The following BTBD17 variants were observed in gnomAD, a reference collection of about 807,000 sequenced individuals.
BTBD17 encodes BTB domain containing 17, also known as BTB/POZ domain-containing protein 17.
Under a neutral mutation model 36.9 loss-of-function variants are expected in BTBD17, and 26 were observed. The observed-to-expected ratio is 0.70, with a 90% confidence interval of 0.52 to 0.98. The LOEUF is 0.98. Ranked by LOEUF, BTBD17 falls within the 50% of genes least tolerant of loss-of-function variation. The pLI is 0.00. For synonymous variants in BTBD17, 341 were observed against 338.0 expected (o/e 1.01, Z -0.10); for missense variants, 630 against 691.3 (o/e 0.91, Z 0.99).
Position 74,357,643 on chromosome 17 carries a change from G to C in BTBD17, c.451C>G (p.Gln151Glu). ...LATKYGVSSL[Q>E]RGVADYMRAH... is the part of the protein sequence containing the mutation. ...CGCATGTAGTCGGCCACGCCGCGCT[G>C]CAGGGAGGACACGCCGTACTTGGTG... Residue 151 changes from glutamine (Q) to glutamate (E), a missense_variant, in exon 3 of 3, where the codon CAG (glutamine) becomes GAG (glutamate). Transcript: ENST00000375366. This position sits in a 1 kb window ranked among gnomAD's most constrained non-coding sequence, Gnocchi z 8.4. The C allele has an allele frequency of 6.5e-7, 1 of 1,550,118 alleles. No individual in the cohort carries two copies. Among genetic ancestry groups the C allele is most frequent in the Non-Finnish European group, 8.7e-7 (1 of 1,149,200 alleles).
Position 74,357,759 on chromosome 17 carries a change from G to C in BTBD17, c.363-28C>G. The stretch of plus-strand genomic sequence containing the variant: ...GCGGGAGAGACCGAGAGGTGGGGCG[G>C]GGTCAGGGCGGTACCCACCTCCCAG... On this transcript the variant is annotated intron_variant, in intron 2 of 2. Coordinates refer to ENST00000375366, the MANE Select transcript of BTBD17 (RefSeq NM_001080466.2). This position sits in a 1 kb window ranked among gnomAD's most constrained non-coding sequence, Gnocchi z 8.4. 1 of 1,504,356 alleles carries C rather than the reference G, an allele frequency of 6.6e-7. No individual in the cohort carries two copies. The highest frequency in any genetic ancestry group is 8.9e-7 in the Non-Finnish European group (1 of 1,124,426). The allele number at this position is 1,504,356 out of a possible 1,614,324, so 93.2% of individuals were successfully genotyped here. A position where few individuals can be genotyped will look rare whatever the true frequency, so the allele number is the denominator to read the frequency against.
chr17:74,359,973 T>A lies in BTBD17; in HGVS notation c.358A>T (p.Ile120Phe). The change falls in exon 2 of 3, where the codon ATC becomes TTC. Residue 120 changes from isoleucine (I) to phenylalanine (F), a missense_variant. By Grantham distance (21) the Ile-to-Phe change is conservative (BLOSUM62 0). Transcript: ENST00000375366. ...QDCAAVFDKF[I>F]RYLYCGELTV... Reference sequence around the variant, plus strand: ...CCTAGTCTTCCGCGTCCCCACCTGATGAACTTGTCGAAGACAGCGGCGCAG... The same window carrying A: ...CCTAGTCTTCCGCGTCCCCACCTGAAGAACTTGTCGAAGACAGCGGCGCAG... 1 of 1,606,970 alleles carries A rather than the reference T, an allele frequency of 6.2e-7. No individual in the cohort carries two copies. Among genetic ancestry groups the A allele is most frequent in the South Asian group, 1.1e-5 (1 of 90,966 alleles).
At chr17:74,360,483 T>C (rs1199783993) in intron 1 of BTBD17, among the ~76,000 whole-genome samples, 5 of 152,176 alleles carry the variant, frequency 3.3e-5, no homozygotes, top group Non-Finnish European at 2.9e-5. Context: ...AAGAGGATGC[T>C]CTTGGAAGGG....
chr17:74,359,656 T>C (rs2054923164), intron 2 of BTBD17, among the ~76,000 whole-genome samples: 1 of 152,206 alleles, frequency 6.6e-6, no homozygotes, highest in African/African-American at 2.4e-5. Context: ...CCCAAATTGC[T>C]GGGATTACAG....
At chr17:74,359,240 T>A (rs888054306) in intron 2 of BTBD17, among the ~76,000 whole-genome samples, 1 of 152,200 alleles carries the variant, frequency 6.6e-6, no homozygotes, top group Admixed American at 6.5e-5. Flanking sequence ...TATAATGGAA[T>A]ATTTAGGAAA....
Position 74,356,556 on chromosome 17 carries a change from C to T in BTBD17, c.*101G>A. On this transcript the variant is annotated 3_prime_UTR_variant, in exon 3 of 3. Coordinates refer to ENST00000375366, the MANE Select transcript of BTBD17 (RefSeq NM_001080466.2). This position sits in a 1 kb window ranked among gnomAD's most constrained non-coding sequence, Gnocchi z 4.3. ...CAGCCCTAGGGTGGCCGGCGCCTGG[C>T]CATCCAGGGGACCAGGCTTGTTGCC... 1 of 1,350,480 alleles carries T rather than the reference C, an allele frequency of 7.4e-7. No homozygotes were observed. Among genetic ancestry groups the T allele is most frequent in the South Asian group, 2.2e-5 (1 of 46,264 alleles). 83.7% of individuals were successfully genotyped at this position (1,350,480 alleles called of 1,614,324 possible).
Position 74,357,634 on chromosome 17 carries a change from C to T in BTBD17, c.460G>A (p.Val154Met), listed in dbSNP as rs1405170311. ...KYGVSSLQRGVADYMRAHLAG... is the reference protein window; with the variant it reads ...KYGVSSLQRGMADYMRAHLAG... ...AGGTGCGCGCGCATGTAGTCGGCCA[C>T]GCCGCGCTGCAGGGAGGACACGCCG... The change falls in exon 3 of 3, where the codon GTG becomes ATG. Residue 154 changes from valine (V) to methionine (M), a missense_variant. Val to Met is a conservative substitution (Grantham distance 21). Coordinates refer to ENST00000375366, the MANE Select transcript of BTBD17 (RefSeq NM_001080466.2). This position sits in a 1 kb window ranked among gnomAD's most constrained non-coding sequence, Gnocchi z 8.4. The T allele has an allele frequency of 6.5e-7, 1 of 1,549,180 alleles. No individual in the cohort carries two copies. Among genetic ancestry groups the T allele is most frequent in the Non-Finnish European group, 8.7e-7 (1 of 1,149,232 alleles).
rs781596717 is a variant in BTBD17, at chr17:74,356,661, T to C, written c.1433A>G (p.Lys478Arg). Residue 478 changes from lysine (K) to arginine (R), a missense_variant, in exon 3 of 3, where the codon AAG becomes AGG. Lys to Arg is a conservative substitution (Grantham distance 26, BLOSUM62 2). Coordinates refer to ENST00000375366, the MANE Select transcript of BTBD17 (RefSeq NM_001080466.2). The surrounding 1 kb of genome is among the most constrained non-coding windows in gnomAD (Gnocchi z 4.3). ...PVYHTLIRTP[K>R] Reference sequence around the variant, plus strand: ...CTTTATTCCCAGACCCCGAGGCTACTTGGGGGTCCGGATAAGGGTGTGGTA... The same window carrying C: ...CTTTATTCCCAGACCCCGAGGCTACCTGGGGGTCCGGATAAGGGTGTGGTA... 2.0e-5 allele frequency: 31 copies of C among 1,526,190 alleles called. No individual in the cohort carries two copies. Among genetic ancestry groups the C allele is most frequent in the Non-Finnish European group, 2.4e-5 (27 of 1,130,314 alleles). 94.5% of individuals were successfully genotyped at this position (1,526,190 alleles called of 1,614,324 possible).
At chr17:74,363,250 G>A (rs554322473), upstream of BTBD17, among the ~76,000 whole-genome samples, 16 of 152,258 alleles carry the variant, frequency 1.1e-4, no homozygotes, top group South Asian at 2.1e-4. Flanking sequence ...CTCTGGAGCC[G>A]CAGAGAGAGC....
Position 74,357,718 on chromosome 17 carries a change from C to T in BTBD17, c.376G>A (p.Gly126Arg). Residue 126 changes from glycine to arginine, a missense_variant, in exon 3 of 3, where the codon GGG (glycine) becomes AGG (arginine). By Grantham distance (125) the Gly-to-Arg change is moderately radical. Coordinates refer to ENST00000375366, the MANE Select transcript of BTBD17 (RefSeq NM_001080466.2). This position sits in a 1 kb window ranked among gnomAD's most constrained non-coding sequence, Gnocchi z 8.4. ...FDKFIRYLYC[G>R]ELTVLLTQAI... ...TGGGTCAGCAGCACGGTCAGCTCCC[C>T]GCAGTACAGGTACCTGCGGGAGAGA... 2.6e-6 allele frequency: 4 copies of T among 1,541,758 alleles called. No individual in the cohort carries two copies. The highest frequency in any genetic ancestry group is 2.6e-6 in the Non-Finnish European group (3 of 1,145,616).
At chr17:74,361,958 T>C (rs2054943410), upstream of BTBD17, 1 of 649,910 alleles carries the variant, frequency 1.5e-6, no homozygotes, top group African/African-American at 1.9e-5. Context: ...CCACTCAGCC[T>C]CCTCCATGGA....
chr17:74,356,935 C>T lies in BTBD17; in HGVS notation c.1159G>A (p.Glu387Lys). 7.2e-7 allele frequency: 1 copy of T among 1,397,732 alleles called. No individual in the cohort carries two copies. The highest frequency in any genetic ancestry group is 1.6e-5 in the South Asian group (1 of 62,204). The allele number at this position is 1,397,732 out of a possible 1,614,324, so 86.6% of individuals were successfully genotyped here. Residue 387 changes from glutamate (E) to lysine (K), a missense_variant, in exon 3 of 3, where the codon GAG becomes AAG. Physicochemically the swap from Glu to Lys is moderately conservative, Grantham distance 56 (BLOSUM62 1). Coordinates refer to ENST00000375366, the MANE Select transcript of BTBD17 (RefSeq NM_001080466.2). This position sits in a 1 kb window ranked among gnomAD's most constrained non-coding sequence, Gnocchi z 4.3. ...ACCACCAGCCGCGGTCGGCCGTCCT[C>T]CGGGCGCGCGGCGGGCAGAGCAGTG... Reference protein sequence around the residue: ...AGTALPAARPEDGRPRLVVTP... With the variant: ...AGTALPAARPKDGRPRLVVTP...
intron 1 of BTBD17, among the ~76,000 whole-genome samples, 165 bp from the exon 2 acceptor site, chr17:74,360,410 G>A (rs1245324886): frequency 1.3e-5 from 2 of 152,258 alleles, no homozygotes; most frequent in Non-Finnish European, 1.5e-5. Context: ...CACGAGGCGC[G>A]TGGATGCATC....
Position 74,357,518 on chromosome 17 carries a change from C to G in BTBD17, c.576G>C (p.Leu192=), listed in dbSNP as rs753529127. ...EALRESCLQF[L]AWNLSAVAAS... Reference sequence around the variant, plus strand: ...CCGCCACGGCCGACAGGTTCCAGGCCAGGAACTGCAGGCAGCTCTCGCGCA... The same window carrying G: ...CCGCCACGGCCGACAGGTTCCAGGCGAGGAACTGCAGGCAGCTCTCGCGCA... The change falls in exon 3 of 3, where the codon CTG becomes CTC. Residue 192 remains leucine, a synonymous_variant. Transcript: ENST00000375366. This position sits in a 1 kb window ranked among gnomAD's most constrained non-coding sequence, Gnocchi z 8.4. 6.4e-7 allele frequency: 1 copy of G among 1,562,248 alleles called. No individual in the cohort carries two copies. The highest frequency in any genetic ancestry group is 1.4e-5 in the African/African-American group (1 of 73,940).
At position 74,356,800 on chromosome 17, in the gene BTBD17, G is replaced by A; in HGVS notation, c.1294C>T (p.His432Tyr). 1.3e-6 allele frequency: 2 copies of A among 1,598,378 alleles called. No homozygotes were observed. The highest frequency in any genetic ancestry group is 1.7e-6 in the Non-Finnish European group (2 of 1,174,394). ...TCGCCGGCCTCCTCGCTGCTCTGGT[G>A]GAAGCTGTAGGCGTGGCGGACCAGC... is the stretch of plus-strand genomic sequence containing the variant. ...RLLVRHAYSF[H>Y]QSSEEAGDFL... The change falls in exon 3 of 3, where the codon CAC becomes TAC. Residue 432 changes from histidine (H) to tyrosine (Y), a missense_variant. Transcript: ENST00000375366. This position sits in a 1 kb window ranked among gnomAD's most constrained non-coding sequence, Gnocchi z 4.3.
In BTBD17 at chr17:74,357,840, C is replaced by A. The variant is rs2054910100; in HGVS notation, c.363-109G>T. 1.2e-6 allele frequency: 1 copy of A among 832,982 alleles called. No homozygotes were observed. Among genetic ancestry groups the A allele is most frequent in the Non-Finnish European group, 1.8e-6 (1 of 557,500 alleles). 51.6% of individuals were successfully genotyped at this position (832,982 alleles called of 1,614,324 possible). ...GGCCTGGAGTTGGAGCTTCACTGTC[C>A]GGGTGCAAACACAGTGGAAGCCCCA... On this transcript the variant is annotated intron_variant, in intron 2 of 2. Transcript: ENST00000375366. The surrounding 1 kb of genome is among the most constrained non-coding windows in gnomAD (Gnocchi z 8.4).
At chr17:74,359,885 G>T in intron 2 of BTBD17, 84 bp downstream of exon 2, 1 of 1,423,334 alleles carries the variant, frequency 7.0e-7, no homozygotes, top group Non-Finnish European at 9.6e-7. Flanking sequence ...ACCTCTAAGG[G>T]CCTGGGCTTC....
At position 74,357,675 on chromosome 17, in the gene BTBD17, C is replaced by A; in HGVS notation, c.419G>T (p.Arg140Ile). Residue 140 changes from arginine (R) to isoleucine (I), a missense_variant, in exon 3 of 3, where the codon AGA (arginine) becomes ATA (isoleucine). Coordinates refer to ENST00000375366, the MANE Select transcript of BTBD17 (RefSeq NM_001080466.2). The surrounding 1 kb of genome is among the most constrained non-coding windows in gnomAD (Gnocchi z 8.4). ...GGACACGCCGTACTTGGTGGCCAGT[C>A]TGTGCAGGGGGATGGCCTGGGTCAG... The part of the protein sequence containing the change: ...VLLTQAIPLH[R>I]LATKYGVSSL... The A allele has an allele frequency of 6.5e-7, 1 of 1,549,756 alleles. No homozygotes were observed. The highest frequency in any genetic ancestry group is 1.9e-5 in the Admixed American group (1 of 51,360).
upstream of BTBD17, chr17:74,362,006 A>T (rs955244860): frequency 2.3e-5 from 13 of 562,592 alleles, no homozygotes; most frequent in Non-Finnish European, 3.8e-5. Context: ...CCAGGCAACC[A>T]CTTAAGCCAG....
Sources: gnomAD v4.1 joint callset for allele counts (sites outside exome capture counted in the v4.1 genomes callset) on GRCh38, gnomAD v4.1.1 for gene constraint, Gnocchi (gnomAD v3.1) non-coding constraint, MANE v1.5 for transcripts, NCBI Gene and HGNC (gene_info 2026-07-23, HGNC 2026-07-21) for gene names.